Variants in PTK2B observed in about 807,000 individuals in gnomAD.
PTK2B encodes the protein protein-tyrosine kinase 2-beta.
PTK2B carries 71 observed loss-of-function variants against 142.9 expected under a neutral mutation model. That is an observed-to-expected ratio of 0.50 (90% confidence interval 0.41 to 0.61). PTK2B has a LOEUF of 0.61. PTK2B is among the 20% of genes least tolerant of loss of function. The pLI, the probability that PTK2B is intolerant of heterozygous loss-of-function variation, is 0.00. For synonymous variants in PTK2B, 519 were observed against 503.4 expected (o/e 1.03, Z -0.42); for missense variants, 1,105 against 1,320.4 (o/e 0.84, Z 2.53).
upstream of PTK2B, chr8:27,322,932 C>T (rs1803255260): frequency 6.6e-6 from 1 of 152,292 alleles, no homozygotes; most frequent in Non-Finnish European, 1.5e-5. Flanking sequence ...CCCACTTGAC[C>T]TTTGGCTCTT....
chr8:27,409,935 T>A (rs1351954024), intron 2 of PTK2B, among the ~76,000 whole-genome samples: 2 of 152,156 alleles, frequency 1.3e-5, no homozygotes, highest in Non-Finnish European at 2.9e-5. Flanking sequence ...TTGGCCAGGC[T>A]AGTCTCGAAC....
At chr8:27,425,371 C>T (rs1463766447) in intron 5 of PTK2B, among the ~76,000 whole-genome samples, 1 of 152,002 alleles carries the variant, frequency 6.6e-6, no homozygotes, top group Non-Finnish European at 1.5e-5. Flanking sequence ...CGACAGGGAC[C>T]AAAGTATTCA....
intron 1 of PTK2B, among the ~76,000 whole-genome samples, chr8:27,339,442 C>G (rs1050191280): frequency 1.3e-5 from 2 of 152,222 alleles, no homozygotes; most frequent in Non-Finnish European, 2.9e-5. Flanking sequence ...CCTCCCCATC[C>G]TTTACCATTG....
Position 27,440,267 on chromosome 8 carries a change from G to A in PTK2B, c.1865G>A (p.Gly622Glu). Residue 622 changes from glycine (G) to glutamate (E), a missense_variant, in exon 21 of 31, where the codon GGG becomes GAG. Transcript: ENST00000346049. ...TGCATGTGGGAGATCCTGAGCTTTG[G>A]GAAGCAGCCCTTCTTCTGGCTGGAG... ...AVCMWEILSF[G>E]KQPFFWLENK... The A allele has an allele frequency of 6.2e-7, 1 of 1,614,184 alleles. No homozygotes were observed. The highest frequency in any genetic ancestry group is 8.5e-7 in the Non-Finnish European group (1 of 1,180,016).
At chr8:27,358,354 TTGTC>T (rs538982641) in intron 1 of PTK2B, among the ~76,000 whole-genome samples, 2 of 152,346 alleles carry the variant, frequency 1.3e-5, no homozygotes, top group South Asian at 4.1e-4. Context: ...ATATTTTTAA[TTGTC>T]TGTGTTTTGG....
chr8:27,380,361 A>G (rs936103795), intron 1 of PTK2B, among the ~76,000 whole-genome samples: 2 of 151,858 alleles, frequency 1.3e-5, no homozygotes, highest in African/African-American at 4.8e-5. Context: ...CAGGGAGGAA[A>G]ACTCCTGCTA....
In PTK2B at chr8:27,444,205, G is replaced by C; in HGVS notation, c.2149-1G>C. 6.2e-7 allele frequency: 1 copy of C among 1,612,738 alleles called. No homozygotes were observed. The highest frequency in any genetic ancestry group is 8.5e-7 in the Non-Finnish European group (1 of 1,178,818). On this transcript the variant is annotated splice_acceptor_variant, in intron 22 of 30. Transcript: ENST00000346049. LOFTEE classifies it high-confidence loss of function. Reference sequence around the variant, plus strand: ...CTGACCCATCTGTGTTCTCTCTCCAGCCCAGCCGACCTAAGTACAGACCCC... The same window carrying C: ...CTGACCCATCTGTGTTCTCTCTCCACCCCAGCCGACCTAAGTACAGACCCC...
intron 1 of PTK2B, among the ~76,000 whole-genome samples, chr8:27,377,083 C>G (rs1196028286): frequency 1.3e-5 from 2 of 152,152 alleles, no homozygotes; most frequent in Admixed American, 6.5e-5. Flanking sequence ...TGTCTCACAG[C>G]TCCAGAGGCA....
chr8:27,355,469 G>A (rs1805343554), intron 1 of PTK2B, among the ~76,000 whole-genome samples: 1 of 152,180 alleles, frequency 6.6e-6, no homozygotes, highest in Non-Finnish European at 1.5e-5. Context: ...TAGCACCCCA[G>A]AAAGAAGTCA....
At chr8:27,452,848 A>G in intron 27 of PTK2B, 1 of 545,194 alleles carries the variant, frequency 1.8e-6, no homozygotes, top group Non-Finnish European at 3.3e-6. Context: ...AGCCCAAGCC[A>G]GAGCTGGGGC....
chr8:27,422,525 G>A (rs1809827583), intron 5 of PTK2B, 142 bp downstream of exon 5: 15 of 739,412 alleles, frequency 2.0e-5, no homozygotes, highest in Non-Finnish European at 2.9e-5. Flanking sequence ...CAGCAGGTGA[G>A]GCTCTGAGGG....
intron 2 of PTK2B, among the ~76,000 whole-genome samples, chr8:27,408,232 AC>A (rs1808844707): frequency 6.6e-6 from 1 of 152,134 alleles, no homozygotes; most frequent in Admixed American, 6.5e-5. Flanking sequence ...CGGCCATAAA[AC>A]CTAAAAGTAT....
intron 18 of PTK2B, 24 bp downstream of exon 18, chr8:27,437,904 C>T (rs374442424): frequency 5.6e-4 from 878 of 1,577,546 alleles, no homozygotes; most frequent in Non-Finnish European, 7.3e-4. Flanking sequence ...GAGTGGCCAG[C>T]GGTATGGAAG....
chr8:27,437,014 GC>G, intron 15 of PTK2B, 107 bp from the exon 16 acceptor site: 2 of 964,206 alleles, frequency 2.1e-6, no homozygotes, highest in South Asian at 1.3e-5. Flanking sequence ...AGGAGAAAGG[GC>G]CCTTTCCTGG....
chr8:27,450,709 G>A lies in PTK2B; in HGVS notation c.2341-40G>A, dbSNP rs375857109. ...GTCCCTCCCTGAGTCTGAGAGCAGG[G>A]CTCATTGCATCCTCTCCCTTCTCTC... On this transcript the variant is annotated intron_variant, in intron 24 of 30. Transcript: ENST00000346049. 13 of 1,612,184 alleles carry A rather than the reference G, an allele frequency of 8.1e-6. No homozygotes were observed. In the African/African-American group the frequency reaches 1.5e-4, roughly 18 times the overall value.
Position 27,343,703 on chromosome 8 carries a change from T to TA in PTK2B, c.-38+18029dup, listed in dbSNP as rs941666441. On this transcript the variant is annotated intron_variant, in intron 1 of 30. Transcript: ENST00000346049. Reference sequence around the variant, plus strand: ...CGCCTGCCTTCTGACCTTTCTCCTTTAAAAAAATTTCTTTCGCCAGGCGTG... The same window carrying TA: ...CGCCTGCCTTCTGACCTTTCTCCTTTAAAAAAAATTTCTTTCGCCAGGCGTG... 2.0e-4 allele frequency among the ~76,000 whole-genome samples: 30 copies of TA among 152,270 alleles called. 1 individual carries two copies. In the South Asian group the frequency reaches 2.9e-3, roughly 15 times the overall value.
Position 27,350,320 on chromosome 8 carries a change from A to T in PTK2B, c.-38+24639A>T, listed in dbSNP as rs529965730. 2.0e-4 allele frequency among the ~76,000 whole-genome samples: 30 copies of T among 152,328 alleles called. No homozygotes were observed. In the South Asian group the frequency reaches 6.2e-3, roughly 32 times the overall value. The stretch of plus-strand genomic sequence containing the variant: ...GAATTTGGATGTTATTGAAACCTTG[A>T]AGGTTGGGAGTCTGGCCATGAGCCA... On this transcript the variant is annotated intron_variant, in intron 1 of 30. Coordinates refer to ENST00000346049, the MANE Select transcript of PTK2B (RefSeq NM_173176.3).
chr8:27,417,355 A>G (rs1304393270), intron 2 of PTK2B, among the ~76,000 whole-genome samples: 1 of 152,226 alleles, frequency 6.6e-6, no homozygotes, highest in Non-Finnish European at 1.5e-5. Context: ...AAATGATTCC[A>G]TTTATACGAA....
chr8:27,427,993 A>T (rs1810188760), intron 5 of PTK2B, among the ~76,000 whole-genome samples: 1 of 152,048 alleles, frequency 6.6e-6, no homozygotes, highest in Non-Finnish European at 1.5e-5. Flanking sequence ...TTACATTATA[A>T]TATATAATAA....
Sources: allele counts gnomAD v4.1 joint callset (sites outside exome capture counted in the v4.1 genomes callset), GRCh38; gene constraint gnomAD v4.1.1; transcripts MANE v1.5; gene names NCBI Gene and HGNC (gene_info 2026-07-23, HGNC 2026-07-21).